KCNQ5: variants seen among roughly 807,000 people sequenced by gnomAD.
KCNQ5 encodes potassium voltage-gated channel subfamily Q member 5, also known as potassium voltage-gated channel subfamily KQT member 5.
In KCNQ5, 30 loss-of-function variants were observed where a neutral mutation model predicts 98.2. That is an observed-to-expected ratio of 0.31 (90% CI 0.23 to 0.41). The LOEUF (loss-of-function observed/expected upper bound fraction) is 0.41, where lower values mean the gene tolerates loss of function less well. KCNQ5 is among the 10% of genes least tolerant of loss of function. KCNQ5 has a pLI of 1.00. For synonymous variants in KCNQ5, 458 were observed against 449.4 expected, an observed-to-expected ratio of 1.02 and a Z score of -0.24; for missense variants, 835 against 1,182.5, an observed-to-expected ratio of 0.71 and a Z score of 4.31.
At chr6:72,921,277 A>G (rs1241522560) in intron 1 of KCNQ5, among the ~76,000 whole-genome samples, 1 of 152,258 alleles carries the variant, frequency 6.6e-6, no homozygotes, top group Admixed American at 6.5e-5. Flanking sequence ...GCCACTGTGC[A>G]GGAAATATAG....
chr6:73,097,782 T>C (rs936251475), intron 5 of KCNQ5, among the ~76,000 whole-genome samples: 19 of 152,214 alleles, frequency 1.2e-4, no homozygotes, highest in Admixed American at 1.2e-3. Flanking sequence ...CATCTACAAG[T>C]CTACAAGAAC....
At chr6:73,046,611 CTATTTTATTT>C (rs59114459) in intron 3 of KCNQ5, among the ~76,000 whole-genome samples, 25 of 128,322 alleles carry the variant, frequency 1.9e-4, no homozygotes, top group Admixed American at 6.5e-4. Flanking sequence ...TTATTTTATT[CTATTTTATTT>C]TATTTTATTT....
intron 1 of KCNQ5, among the ~76,000 whole-genome samples, chr6:72,890,784 C>T (rs1779028707): frequency 6.6e-6 from 1 of 152,200 alleles, no homozygotes; most frequent in South Asian, 2.1e-4. Context: ...ATAAGCATAT[C>T]ATATCAGAAG....
At chr6:73,055,734 T>C (rs1302999216) in intron 3 of KCNQ5, 3 of 1,075,564 alleles carry the variant, frequency 2.8e-6, no homozygotes, top group Non-Finnish European at 4.3e-6. Context: ...GGCATTCTCA[T>C]TGTCTATGAA....
At chr6:72,853,115 A>G (rs1180615181) in intron 1 of KCNQ5, among the ~76,000 whole-genome samples, 3 of 152,160 alleles carry the variant, frequency 2.0e-5, no homozygotes, top group African/African-American at 7.2e-5. Context: ...AATTATGTTG[A>G]TCCTTTATAT....
intron 1 of KCNQ5, among the ~76,000 whole-genome samples, chr6:72,890,778 G>C (rs981923832): frequency 6.6e-6 from 1 of 152,196 alleles, no homozygotes; most frequent in Admixed American, 6.6e-5. Flanking sequence ...CATCACATAA[G>C]CATATCATAT....
chr6:72,795,570 C>T (rs1440343108), intron 1 of KCNQ5, among the ~76,000 whole-genome samples: 1 of 152,126 alleles, frequency 6.6e-6, no homozygotes, highest in East Asian at 1.9e-4. Flanking sequence ...TGAGAATTCA[C>T]TCATCTTTAA....
intron 1 of KCNQ5, among the ~76,000 whole-genome samples, chr6:72,736,966 C>CTTT (rs112772535): frequency 7.3e-5 from 11 of 151,282 alleles, no homozygotes; most frequent in African/African-American, 2.4e-4. Context: ...CAAGATTTCT[C>CTTT]TTTTTTTTGA....
At chr6:72,882,302 C>A (rs1023625401) in intron 1 of KCNQ5, among the ~76,000 whole-genome samples, 4 of 152,080 alleles carry the variant, frequency 2.6e-5, no homozygotes, top group African/African-American at 7.2e-5. Context: ...AATTTTAGTC[C>A]TGCTGTACAA....
chr6:72,798,741 G>A (rs113259781), intron 1 of KCNQ5, among the ~76,000 whole-genome samples: 2,060 of 152,214 alleles, frequency 0.014, 51 homozygotes, highest in African/African-American at 0.048. Context: ...TGCACAGAAT[G>A]GGATTGATCA....
chr6:72,765,704 C>T (rs1772533978), intron 1 of KCNQ5, among the ~76,000 whole-genome samples: 1 of 151,930 alleles, frequency 6.6e-6, no homozygotes, highest in Admixed American at 6.6e-5. Flanking sequence ...CACAGGTAAG[C>T]TGTTTAGATT....
At chr6:72,698,710 C>G (rs1253713911) in intron 1 of KCNQ5, among the ~76,000 whole-genome samples, 1 of 124,658 alleles carries the variant, frequency 8.0e-6, no homozygotes, top group Non-Finnish European at 1.6e-5. Context: ...GGCAGTAGTG[C>G]TGGAGTGCAG....
chr6:72,737,000 G>A (rs1055017867), intron 1 of KCNQ5, among the ~76,000 whole-genome samples: 6 of 151,694 alleles, frequency 4.0e-5, no homozygotes, highest in African/African-American at 1.5e-4. Context: ...TCACTGCGTC[G>A]CCCAGGCTGG....
intron 1 of KCNQ5, among the ~76,000 whole-genome samples, chr6:72,750,233 A>G (rs1326602801): frequency 1.3e-5 from 2 of 152,120 alleles, no homozygotes; most frequent in Non-Finnish European, 2.9e-5. Flanking sequence ...CAAATGTACT[A>G]ACTCTATCCA....
At chr6:73,016,702 C>T (rs905885587) in intron 2 of KCNQ5, among the ~76,000 whole-genome samples, 2 of 152,036 alleles carry the variant, frequency 1.3e-5, no homozygotes, top group Non-Finnish European at 2.9e-5. Context: ...AGCGAAAGGG[C>T]ATGGACTAGA....
intron 1 of KCNQ5, among the ~76,000 whole-genome samples, chr6:72,875,753 T>C (rs979485567): frequency 1.3e-5 from 2 of 152,118 alleles, no homozygotes; most frequent in African/African-American, 2.4e-5. Flanking sequence ...TCAGAAATAT[T>C]AATTGAAATA....
chr6:72,842,996 A>G (rs1776864412), intron 1 of KCNQ5, among the ~76,000 whole-genome samples: 1 of 152,030 alleles, frequency 6.6e-6, no homozygotes, highest in African/African-American at 2.4e-5. Flanking sequence ...ATTAGATCCC[A>G]TTTGTCAATA....
rs551950997 is a variant in KCNQ5 at position 72,956,887 on chromosome 6, T to G, written c.399-47021T>G. On this transcript the variant is annotated intron_variant, in intron 1 of 13. Coordinates refer to ENST00000370398, the MANE Select transcript of KCNQ5 (RefSeq NM_019842.4). ...TCAGAAGGACCACTGGTTTAAGTTA[T>G]GTTAGGCAATCTGAATGTATAATAG... Among the ~76,000 whole-genome samples the G allele has an allele frequency of 2.0e-5, 3 of 152,206 alleles. No homozygotes were observed. The South Asian group carries it at 6.2e-4, about 32-fold the overall frequency.
intron 1 of KCNQ5, among the ~76,000 whole-genome samples, chr6:72,885,689 ACATCTGCCATGTG>A (rs1778820166): frequency 6.6e-6 from 1 of 152,202 alleles, no homozygotes; most frequent in Admixed American, 6.5e-5. Context: ...AAAATAGTTG[ACATCTGCCATGTG>A]CTTCTGCCAT....
Sources: allele counts gnomAD v4.1 joint callset (sites outside exome capture counted in the v4.1 genomes callset), GRCh38; gene constraint gnomAD v4.1.1; transcripts MANE v1.5; gene names NCBI Gene and HGNC (gene_info 2026-07-23, HGNC 2026-07-21).